Variants in CNIH3 observed in about 807,000 individuals in gnomAD.
CNIH3 encodes the protein protein cornichon homolog 3.
In CNIH3, 14 loss-of-function variants were observed where a neutral mutation model predicts 24.1. The ratio of observed to expected loss-of-function variants is 0.58; its 90% CI spans 0.38 to 0.91. The LOEUF is 0.91. CNIH3 is among the 40% of genes least tolerant of loss of function. The pLI is 0.00. For synonymous variants in CNIH3, 68 were observed against 73.8 expected, an observed-to-expected ratio of 0.92 and a Z score of 0.40; for missense variants, 178 against 196.8, an observed-to-expected ratio of 0.90 and a Z score of 0.57.
chr1:224,595,413 G>C (rs911712899), intron 3 of CNIH3, among the ~76,000 whole-genome samples: 3 of 152,170 alleles, frequency 2.0e-5, no homozygotes, highest in African/African-American at 7.2e-5. Flanking sequence ...GCCTAAGATG[G>C]CAAAGTTGAT....
At chr1:224,502,768 CT>C (rs1677731910) in intron 1 of CNIH3, among the ~76,000 whole-genome samples, 1 of 152,208 alleles carries the variant, frequency 6.6e-6, no homozygotes, top group Non-Finnish European at 1.5e-5. Context: ...AATTTAAACA[CT>C]GGCAAACATA....
intron 1 of CNIH3, among the ~76,000 whole-genome samples, chr1:224,483,366 A>C (rs1676890034): frequency 1.3e-5 from 2 of 151,458 alleles, no homozygotes; most frequent in African/African-American, 2.4e-5. Context: ...AAAACATAAA[A>C]CAGGTAGTGT....
downstream of CNIH3, among the ~76,000 whole-genome samples, chr1:224,541,870 T>C (rs1360313517): frequency 6.6e-6 from 1 of 152,250 alleles, no homozygotes; most frequent in African/African-American, 2.4e-5. Flanking sequence ...AAAATCTTAA[T>C]GTCTCTCACT....
chr1:224,591,833 C>T (rs1681768594), downstream of CNIH3, among the ~76,000 whole-genome samples: 4 of 152,178 alleles, frequency 2.6e-5, no homozygotes. Context: ...CCTGATCTGT[C>T]TATCATTTTC....
intron 4 of CNIH3, among the ~76,000 whole-genome samples, chr1:224,731,507 G>A (rs771284972): frequency 1.3e-5 from 2 of 152,160 alleles, no homozygotes; most frequent in Non-Finnish European, 2.9e-5. Flanking sequence ...CCAGAGCATT[G>A]GACCCCAAAG....
At chr1:224,694,356 C>T (rs563362728) in intron 3 of CNIH3, among the ~76,000 whole-genome samples, 11 of 152,254 alleles carry the variant, frequency 7.2e-5, no homozygotes, top group Admixed American at 6.5e-4. Context: ...GGAGAAGAAA[C>T]CCTAAAACTG....
At chr1:224,600,690 T>A (rs1682171481) in intron 3 of CNIH3, among the ~76,000 whole-genome samples, 1 of 152,200 alleles carries the variant, frequency 6.6e-6, no homozygotes. Flanking sequence ...TTTATGGAAT[T>A]TTTTATGGGC....
intron 1 of CNIH3, among the ~76,000 whole-genome samples, chr1:224,671,153 C>T (rs1685845925): frequency 6.6e-6 from 1 of 152,192 alleles, no homozygotes; most frequent in African/African-American, 2.4e-5. Context: ...TTGCATAAGC[C>T]AATTCCTTAA....
chr1:224,515,529 T>A (rs915458169), upstream of CNIH3, among the ~76,000 whole-genome samples: 1 of 152,268 alleles, frequency 6.6e-6, no homozygotes, highest in Non-Finnish European at 1.5e-5. Flanking sequence ...TTGGCTGGCC[T>A]GTGAGATCTG....
rs1440926881 is a variant in CNIH3, at chr1:224,439,643, C to T, written n.203+4781C>T. 7.2e-5 allele frequency among the ~76,000 whole-genome samples: 11 copies of T among 152,160 alleles called. No individual in the cohort carries two copies. In the East Asian group the frequency reaches 9.6e-4, roughly 13 times the overall value. The stretch of plus-strand genomic sequence containing the variant: ...TATATTTATTTTTGAGATGGAGTCT[C>T]GCTCTGTCGCCAGGCTGGAGTGCAG... On this transcript the variant is annotated intron_variant and non_coding_transcript_variant, in intron 1 of 5. Transcript: ENST00000471578.
At chr1:224,670,285 G>A (rs909013756) in intron 1 of CNIH3, among the ~76,000 whole-genome samples, 1 of 152,200 alleles carries the variant, frequency 6.6e-6, no homozygotes, top group Non-Finnish European at 1.5e-5. Flanking sequence ...GAAGATGGTG[G>A]CATGGGAAGA....
chr1:224,451,775 C>A (rs1269146735), intron 1 of CNIH3, among the ~76,000 whole-genome samples: 3 of 152,156 alleles, frequency 2.0e-5, no homozygotes, highest in Non-Finnish European at 2.9e-5. Flanking sequence ...ACAGTTCTAT[C>A]CCCAGTCAGA....
chr1:224,678,263 C>G (rs1300873631), intron 1 of CNIH3, among the ~76,000 whole-genome samples: 1 of 152,084 alleles, frequency 6.6e-6, no homozygotes. Flanking sequence ...TTAACTGAAG[C>G]ACATGAAAAG....
intron 1 of CNIH3, among the ~76,000 whole-genome samples, chr1:224,663,808 G>A (rs1428329806): frequency 6.6e-6 from 1 of 152,184 alleles, no homozygotes; most frequent in African/African-American, 2.4e-5. Flanking sequence ...GGCCCACAGT[G>A]ACAGAGTCAA....
At chr1:224,734,524 C>G in intron 4 of CNIH3, 39 bp from the exon 5 acceptor site, 1 of 1,607,762 alleles carries the variant, frequency 6.2e-7, no homozygotes, top group Non-Finnish European at 8.5e-7. Context: ...GCCAGAAGTA[C>G]CAGGACCTCA....
At chr1:224,598,707 A>T (rs552278681) in intron 3 of CNIH3, among the ~76,000 whole-genome samples, 1 of 152,258 alleles carries the variant, frequency 6.6e-6, no homozygotes, top group African/African-American at 2.4e-5. Context: ...CAGCAAAAAG[A>T]TTAAGACTTG....
At chr1:224,505,743 ACT>A (rs1236800863) in intron 1 of CNIH3, among the ~76,000 whole-genome samples, 1 of 152,194 alleles carries the variant, frequency 6.6e-6, no homozygotes, top group Non-Finnish European at 1.5e-5. Context: ...TTTCAGTAAC[ACT>A]GTCTTTGTAG....
intron 1 of CNIH3, among the ~76,000 whole-genome samples, chr1:224,501,871 G>GCTCCTGGC (rs143113388): frequency 0.084 from 12,711 of 152,148 alleles, 1,599 homozygotes; most frequent in African/African-American, 0.27. Context: ...GTGAGCCACT[G>GCTCCTGGC]CTTTATACAG....
chr1:224,512,418 T>C (rs1013506653), upstream of CNIH3, among the ~76,000 whole-genome samples: 4 of 152,280 alleles, frequency 2.6e-5, no homozygotes, highest in African/African-American at 9.6e-5. Context: ...TGTTTGAGGT[T>C]ACAGTGAACT....
Sources: allele counts gnomAD v4.1 joint callset (sites outside exome capture counted in the v4.1 genomes callset), GRCh38; gene constraint gnomAD v4.1.1; transcripts MANE v1.5; gene names NCBI Gene and HGNC (gene_info 2026-07-23, HGNC 2026-07-21).